MACROD2: variants seen among roughly 807,000 people sequenced by gnomAD.
MACROD2 encodes mono-ADP ribosylhydrolase 2.
In MACROD2, 36 loss-of-function variants were observed where a neutral mutation model predicts 70.4. The ratio of observed to expected loss-of-function variants is 0.51; its 90% CI spans 0.39 to 0.68. The LOEUF (loss-of-function observed/expected upper bound fraction) is 0.68, where lower values mean the gene tolerates loss of function less well. Ranked by LOEUF, MACROD2 falls within the 30% of genes least tolerant of loss-of-function variation. MACROD2 has a pLI of 0.00. For missense variants in MACROD2, 496 were observed against 538.4 expected (o/e 0.92, Z 0.78); for synonymous variants, 172 against 178.8 (o/e 0.96, Z 0.30).
chr20:14,474,589 T>C (rs2084568250), intron 3 of MACROD2, among the ~76,000 whole-genome samples: 1 of 152,186 alleles, frequency 6.6e-6, no homozygotes, highest in African/African-American at 2.4e-5. Flanking sequence ...CTACCGTTAA[T>C]GTTATTGCAG....
intron 6 of MACROD2, among the ~76,000 whole-genome samples, chr20:15,410,838 C>T (rs1284899057): frequency 6.6e-6 from 1 of 152,138 alleles, no homozygotes; most frequent in Non-Finnish European, 1.5e-5. Context: ...TGTGAAGTCA[C>T]CCATTCAACA....
intron 5 of MACROD2, among the ~76,000 whole-genome samples, chr20:14,978,388 T>A (rs2074762523): frequency 7.0e-6 from 1 of 142,392 alleles, no homozygotes; most frequent in African/African-American, 2.6e-5. Flanking sequence ...CCCCCCACTT[T>A]TTTTAAGTTG....
In MACROD2 at chr20:15,893,061, T is replaced by C. The variant is rs191524497; in HGVS notation, c.775+7250T>C. 3.7e-3 allele frequency: 1,461 copies of C among 398,884 alleles called. 5 individuals carry two copies. Among genetic ancestry groups the C allele is most frequent in the Admixed American group, 4.6e-3 (104 of 22,764 alleles). The allele number at this position is 398,884 out of a possible 1,614,324, so 24.7% of individuals were successfully genotyped here. ...GAAAATTATGCCATGAAAAGAAACA[T>C]ATTTAATTTTTAAATTATGTGTACA... is the stretch of plus-strand genomic sequence containing the variant. On this transcript the variant is annotated intron_variant, in intron 10 of 17. Coordinates refer to ENST00000684519, the MANE Select transcript of MACROD2 (RefSeq NM_001351661.2).
intron 5 of MACROD2, among the ~76,000 whole-genome samples, chr20:15,021,221 GGTGTGCGTATACACACACCT>G (rs2075174794): frequency 2.6e-4 from 1 of 3,804 alleles, no homozygotes. Flanking sequence ...TACACATACA[GGTGTGCGTATACACACACCT>G]GTGTGTATGT....
chr20:14,032,030 A>G (rs1313390324), intron 2 of MACROD2, among the ~76,000 whole-genome samples: 1 of 152,092 alleles, frequency 6.6e-6, no homozygotes. Flanking sequence ...TTACAAATAT[A>G]CTATTAATAT....
In MACROD2 at chr20:15,026,128, T is replaced by C. The variant is rs1312810228; in HGVS notation, c.419-203812T>C. 7.9e-5 allele frequency among the ~76,000 whole-genome samples: 12 copies of C among 152,280 alleles called. No individual in the cohort carries two copies. In the South Asian group the frequency reaches 2.3e-3, roughly 29 times the overall value. On this transcript the variant is annotated intron_variant, in intron 5 of 17. Transcript: ENST00000684519. ...CCCAGTCTTCAGGGGGGAACATTAATTAGTTCTCTGAAAACAAAAGCTTCC... is the reference window on the plus strand; with the variant it reads ...CCCAGTCTTCAGGGGGGAACATTAACTAGTTCTCTGAAAACAAAAGCTTCC...
At chr20:15,461,006 A>ATATATATATATATATATATTTTTTTT in intron 7 of MACROD2, among the ~76,000 whole-genome samples, 60 of 66,940 alleles carry the variant, frequency 9.0e-4, no homozygotes, top group Non-Finnish European at 1.3e-3. Flanking sequence ...ATATATATAT[A>ATATATATATATATATATATTTTTTTT]TTTTTTTTTA....
At chr20:14,375,002 C>T (rs2083358881) in intron 3 of MACROD2, among the ~76,000 whole-genome samples, 1 of 151,976 alleles carries the variant, frequency 6.6e-6, no homozygotes, top group African/African-American at 2.4e-5. Flanking sequence ...ATCCAAATAC[C>T]TTTATTTATA....
chr20:15,158,348 G>A (rs2076323728), intron 5 of MACROD2, among the ~76,000 whole-genome samples: 1 of 152,154 alleles, frequency 6.6e-6, no homozygotes, highest in African/African-American at 2.4e-5. Flanking sequence ...AGCATTCGCA[G>A]TTTAGAAAAT....
At chr20:14,994,675 C>T (rs2074934745) in intron 5 of MACROD2, among the ~76,000 whole-genome samples, 1 of 152,110 alleles carries the variant, frequency 6.6e-6, no homozygotes, top group Admixed American at 6.6e-5. Flanking sequence ...AACAGAGAAA[C>T]ACCAGCACAC....
At chr20:14,483,356 G>T (rs1003596757) in intron 3 of MACROD2, among the ~76,000 whole-genome samples, 1 of 152,120 alleles carries the variant, frequency 6.6e-6, no homozygotes, top group South Asian at 2.1e-4. Flanking sequence ...TTTTTTGATA[G>T]ATTTTCCATA....
At chr20:15,508,889 T>A (rs1318600938) in intron 8 of MACROD2, among the ~76,000 whole-genome samples, 1 of 152,206 alleles carries the variant, frequency 6.6e-6, no homozygotes, top group Admixed American at 6.5e-5. Flanking sequence ...CAGAACCCAT[T>A]CTGTTGGCTC....
intron 6 of MACROD2, among the ~76,000 whole-genome samples, chr20:15,300,885 G>A (rs184614417): frequency 6.6e-6 from 1 of 152,194 alleles, no homozygotes; most frequent in South Asian, 2.1e-4. Flanking sequence ...CTGGGCTGAA[G>A]ACCCGGATGG....
chr20:15,369,499 C>A (rs2045461006), intron 6 of MACROD2, among the ~76,000 whole-genome samples: 1 of 152,046 alleles, frequency 6.6e-6, no homozygotes, highest in Non-Finnish European at 1.5e-5. Context: ...TATGTTTTAT[C>A]TCAACAAAAA....
rs1367232926 is a variant in MACROD2, at chr20:14,934,069, C to T, written c.418+249110C>T. The T allele has an allele frequency of 2.0e-5, 3 of 152,166 alleles. No homozygotes were observed. The East Asian group carries it at 5.8e-4, about 29-fold the overall frequency. The allele number at this position is 152,166 out of a possible 1,614,324, so 9.4% of individuals were successfully genotyped here. A position where few individuals can be genotyped will look rare whatever the true frequency, so the allele number is the denominator to read the frequency against. ...GGTAGAACCGGGACTTAATTCCAGGCCATCTGGCCCTCAGAGTTCCTGCTT... is the reference window on the plus strand; with the variant it reads ...GGTAGAACCGGGACTTAATTCCAGGTCATCTGGCCCTCAGAGTTCCTGCTT... On this transcript the variant is annotated intron_variant, in intron 5 of 17. Transcript: ENST00000684519.
At chr20:15,176,036 T>C (rs2076458734) in intron 5 of MACROD2, among the ~76,000 whole-genome samples, 1 of 152,238 alleles carries the variant, frequency 6.6e-6, no homozygotes, top group African/African-American at 2.4e-5. Context: ...CCCTCTCTGC[T>C]GCAGAGCAAA....
chr20:15,815,406 A>G (rs6135554), intron 8 of MACROD2, among the ~76,000 whole-genome samples: 33,859 of 146,514 alleles, frequency 0.23, 3,964 homozygotes, highest in Middle Eastern at 0.36. Flanking sequence ...ATGGCAAAAC[A>G]ATAGTTCTTT....
At chr20:14,460,836 T>C (rs2084359941) in intron 3 of MACROD2, among the ~76,000 whole-genome samples, 1 of 152,076 alleles carries the variant, frequency 6.6e-6, no homozygotes, top group Non-Finnish European at 1.5e-5. Context: ...ATTTTATTGA[T>C]GATTTTTGCA....
At chr20:14,341,893 C>T (rs1206791755) in intron 3 of MACROD2, among the ~76,000 whole-genome samples, 1 of 152,202 alleles carries the variant, frequency 6.6e-6, no homozygotes, top group South Asian at 2.1e-4. Flanking sequence ...CTGCCTTTCT[C>T]ATTGTTGGCA....
Sources: allele counts gnomAD v4.1 joint callset (sites outside exome capture counted in the v4.1 genomes callset), GRCh38; gene constraint gnomAD v4.1.1; transcripts MANE v1.5; gene names NCBI Gene and HGNC (gene_info 2026-07-23, HGNC 2026-07-21).